SLC9A7: variants seen among roughly 807,000 people sequenced by gnomAD.
SLC9A7 encodes the protein sodium/hydrogen exchanger 7.
A neutral mutation model predicts 52.6 loss-of-function variants in SLC9A7; 19 were observed. The ratio of observed to expected loss-of-function variants is 0.36; its 90% CI spans 0.25 to 0.53. The LOEUF (loss-of-function observed/expected upper bound fraction) is 0.53, where lower values mean the gene tolerates loss of function less well. Among genes scored for constraint, SLC9A7 ranks in the 20% least tolerant of loss-of-function variants. The pLI is 0.91. For missense variants in SLC9A7, 455 were observed against 597.9 expected (o/e 0.76, Z 2.49); for synonymous variants, 226 against 252.1 (o/e 0.90, Z 0.98).
chrX:46,680,929 G>C (rs932469395), intron 2 of SLC9A7, among the ~76,000 whole-genome samples: 1 of 112,094 alleles, frequency 8.9e-6, no homozygotes, highest in African/African-American at 3.2e-5. Context: ...GAATGAGAAG[G>C]AGCCTTGGAC....
chrX:46,724,457 G>C (rs184999170), intron 1 of SLC9A7, among the ~76,000 whole-genome samples: 1 of 112,067 alleles, frequency 8.9e-6, no homozygotes, highest in Non-Finnish European at 1.9e-5. Flanking sequence ...TGTGGTTTCC[G>C]CAGTAGAGGT....
intron 1 of SLC9A7, among the ~76,000 whole-genome samples, chrX:46,716,975 A>C (rs1455197285): frequency 8.9e-6 from 1 of 111,812 alleles, no homozygotes; most frequent in Non-Finnish European, 1.9e-5. Context: ...CATTGTGGAC[A>C]CCTGGTCTCA....
At chrX:46,653,977 T>C (rs964125622) in intron 7 of SLC9A7, among the ~76,000 whole-genome samples, 4 of 111,480 alleles carry the variant, frequency 3.6e-5, no homozygotes, top group African/African-American at 1.3e-4. Context: ...TTTCGGATGA[T>C]GAAAAAATTC....
Position 46,653,710 on chromosome X carries a change from G to A in SLC9A7, c.1046C>T (p.Thr349Ile). ...GAAGCAGTGCAGTTTGGTAAACTTA[G>A]TCACGTTGGCATTCTGTCAAGGACC... ...AVTGVVTALV[T>I]KFTKLHCFPL... The change falls in exon 8 of 17, where the codon ACT becomes ATT. Residue 349 changes from threonine (T) to isoleucine (I), a missense_variant. Physicochemically the swap from Thr to Ile is moderately conservative, Grantham distance 89. Transcript: ENST00000616978. 1 of 1,204,132 alleles carries A rather than the reference G, an allele frequency of 8.3e-7. No homozygotes were observed. Among genetic ancestry groups the A allele is most frequent in the Non-Finnish European group, 1.1e-6 (1 of 889,083 alleles).
At chrX:46,735,969 T>C (rs1945115032) in intron 1 of SLC9A7, among the ~76,000 whole-genome samples, 1 of 111,651 alleles carries the variant, frequency 9.0e-6, no homozygotes, top group Admixed American at 9.6e-5. Context: ...TGGGTATCTG[T>C]TTATTGTTTT....
At chrX:46,667,876 T>C (rs924163703) in intron 5 of SLC9A7, among the ~76,000 whole-genome samples, 1 of 111,918 alleles carries the variant, frequency 8.9e-6, no homozygotes, top group Non-Finnish European at 1.9e-5. Flanking sequence ...AGGTTTCAAC[T>C]TGGAAAGGAG....
chrX:46,752,806 C>T (rs1476170559), intron 1 of SLC9A7, among the ~76,000 whole-genome samples: 2 of 111,049 alleles, frequency 1.8e-5, no homozygotes, highest in African/African-American at 6.5e-5. Context: ...AGGCAAGTAA[C>T]CTGTGGGGTG....
intron 5 of SLC9A7, among the ~76,000 whole-genome samples, chrX:46,667,105 G>C (rs767090753): frequency 8.9e-6 from 1 of 112,101 alleles, no homozygotes; most frequent in South Asian, 3.8e-4. Flanking sequence ...AATTTAGACA[G>C]GGTACACTCA....
chrX:46,719,341 G>A (rs1253667989), intron 1 of SLC9A7, among the ~76,000 whole-genome samples: 1 of 108,893 alleles, frequency 9.2e-6, no homozygotes, highest in East Asian at 2.9e-4. Flanking sequence ...TACACCTAAC[G>A]TAAATGACGA....
chrX:46,605,732 G>C lies in SLC9A7; in HGVS notation c.*1220C>G, dbSNP rs1942733340. On this transcript the variant is annotated 3_prime_UTR_variant, in exon 17 of 17. Transcript: ENST00000616978. The stretch of plus-strand genomic sequence containing the variant: ...TGAATTCTAGCCTGGTGCCTTGTAG[G>C]TTTCTTGCTGCCTTCCCTTTCCCAG... 9.0e-6 allele frequency: 1 copy of C among 111,680 alleles called. No homozygotes were observed. Among genetic ancestry groups the C allele is most frequent in the Non-Finnish European group, 1.9e-5 (1 of 53,198 alleles). The allele number at this position is 111,680 out of a possible 1,213,427, so 9.2% of individuals were successfully genotyped here. A position where few individuals can be genotyped will look rare whatever the true frequency, so the allele number is the denominator to read the frequency against.
At chrX:46,711,816 C>A (rs1314296901) in intron 1 of SLC9A7, among the ~76,000 whole-genome samples, 1 of 106,930 alleles carries the variant, frequency 9.4e-6, no homozygotes, top group Non-Finnish European at 1.9e-5. Flanking sequence ...GTGTTGCCCT[C>A]ACCATCAGGC....
At chrX:46,695,664 T>C (rs1008312308) in intron 1 of SLC9A7, among the ~76,000 whole-genome samples, 4 of 111,509 alleles carry the variant, frequency 3.6e-5, no homozygotes, top group Admixed American at 9.6e-5. Flanking sequence ...ATGCCACACT[T>C]TGTTATAAAC....
chrX:46,736,927 T>C (rs1013577992), intron 1 of SLC9A7, among the ~76,000 whole-genome samples: 1 of 111,691 alleles, frequency 9.0e-6, no homozygotes, highest in Non-Finnish European at 1.9e-5. Context: ...ATTTGCAATA[T>C]TATGCAGATA....
At chrX:46,670,112 T>A (rs1943995038) in intron 4 of SLC9A7, among the ~76,000 whole-genome samples, 1 of 111,332 alleles carries the variant, frequency 9.0e-6, no homozygotes, top group South Asian at 3.8e-4. Flanking sequence ...TCTAAGATAA[T>A]GCATTTAAAG....
At chrX:46,727,562 G>A (rs952493347) in intron 1 of SLC9A7, among the ~76,000 whole-genome samples, 1 of 111,958 alleles carries the variant, frequency 8.9e-6, no homozygotes, top group East Asian at 2.8e-4. Flanking sequence ...CAGAGGGATC[G>A]CAAAGCTAAT....
At chrX:46,681,480 T>A (rs768893004) in intron 2 of SLC9A7, among the ~76,000 whole-genome samples, 1 of 112,239 alleles carries the variant, frequency 8.9e-6, no homozygotes, top group East Asian at 2.8e-4. Context: ...TAGAGAATAA[T>A]TTTCCTTAAG....
chrX:46,679,806 A>G, intron 2 of SLC9A7, 51 bp from the exon 3 acceptor site: 1 of 757,303 alleles, frequency 1.3e-6, no homozygotes, highest in Non-Finnish European at 2.0e-6. Context: ...ACTCCAATTC[A>G]TGCTATAATA....
intron 1 of SLC9A7, among the ~76,000 whole-genome samples, chrX:46,729,653 A>G (rs2146973592): frequency 9.0e-6 from 1 of 110,835 alleles, no homozygotes; most frequent in Admixed American, 9.6e-5. Flanking sequence ...GGTGCCTGCA[A>G]TCCCAGCTAC....
chrX:46,666,301 G>A (rs1338240232), intron 5 of SLC9A7, among the ~76,000 whole-genome samples: 1 of 111,233 alleles, frequency 9.0e-6, no homozygotes, highest in Non-Finnish European at 1.9e-5. Context: ...TGGGGATGAA[G>A]TTCTACTATG....
Sources: gnomAD v4.1 joint callset for allele counts (sites outside exome capture counted in the v4.1 genomes callset) on GRCh38, gnomAD v4.1.1 for gene constraint, MANE v1.5 for transcripts, NCBI Gene and HGNC (gene_info 2026-07-23, HGNC 2026-07-21) for gene names.